Variants in TDRD3 observed in about 807,000 individuals in gnomAD.
TDRD3 encodes tudor domain containing 3.
In TDRD3, 45 loss-of-function variants were observed where a neutral mutation model predicts 86.7. The observed-to-expected ratio is 0.52, with a 90% CI of 0.41 to 0.67. The LOEUF (loss-of-function observed/expected upper bound fraction) is 0.67. TDRD3 is among the 30% of genes least tolerant of loss of function. The pLI, the probability that TDRD3 is intolerant of heterozygous loss-of-function variation, is 0.00. For missense variants in TDRD3, 814 were observed against 889.0 expected (o/e 0.92, Z 1.07); for synonymous variants, 298 against 301.7 (o/e 0.99, Z 0.13).
At chr13:60,514,239 G>T (rs1767395179) in intron 10 of TDRD3, among the ~76,000 whole-genome samples, 1 of 152,194 alleles carries the variant, frequency 6.6e-6, no homozygotes, top group Non-Finnish European at 1.5e-5. Context: ...ACTTGAGAGA[G>T]ATGATTTAGG....
intron 5 of TDRD3, among the ~76,000 whole-genome samples, chr13:60,480,178 G>T (rs1956279761): frequency 6.6e-6 from 1 of 152,176 alleles, no homozygotes; most frequent in Non-Finnish European, 1.5e-5. Flanking sequence ...GCTCTTGTAA[G>T]GCAGGTCTGG....
At chr13:60,547,394 C>G in intron 12 of TDRD3, 1 of 985,230 alleles carries the variant, frequency 1.0e-6, no homozygotes, top group Non-Finnish European at 1.2e-6. Flanking sequence ...CCCTTTTTGC[C>G]CCTGCTTCAG....
chr13:60,487,010 C>G (rs1956454032), intron 7 of TDRD3, among the ~76,000 whole-genome samples: 1 of 152,090 alleles, frequency 6.6e-6, no homozygotes, highest in African/African-American at 2.4e-5. Context: ...TTCAACTCTT[C>G]CTAACTATGG....
At chr13:60,480,793 G>A (rs1956293699) in intron 5 of TDRD3, among the ~76,000 whole-genome samples, 1 of 151,954 alleles carries the variant, frequency 6.6e-6, no homozygotes, top group Non-Finnish European at 1.5e-5. Flanking sequence ...CAGGCAGGGG[G>A]TATTATAGCC....
chr13:60,441,582 G>A (rs1390660390), intron 2 of TDRD3, among the ~76,000 whole-genome samples: 1 of 152,134 alleles, frequency 6.6e-6, no homozygotes, highest in East Asian at 1.9e-4. Context: ...TTAGGCATTT[G>A]TAGTATTCTG....
chr13:60,404,342 G>T, intron 1 of TDRD3, among the ~76,000 whole-genome samples: 1 of 139,918 alleles, frequency 7.1e-6, no homozygotes, highest in East Asian at 2.0e-4. Flanking sequence ...ACGGAGTCTC[G>T]CTCTGTCACC....
intron 10 of TDRD3, among the ~76,000 whole-genome samples, chr13:60,511,764 T>C (rs1195789392): frequency 6.6e-6 from 1 of 152,128 alleles, no homozygotes; most frequent in East Asian, 1.9e-4. Context: ...CGTTTTTTGC[T>C]TGGTGTTGCC....
chr13:60,424,135 T>C (rs540756517), intron 1 of TDRD3, among the ~76,000 whole-genome samples: 68 of 151,848 alleles, frequency 4.5e-4, no homozygotes, highest in African/African-American at 1.5e-3. Context: ...CATTCTCCTG[T>C]CTTAGCCTCC....
Position 60,510,755 on chromosome 13 carries a change from G to A in TDRD3, c.1141G>A (p.Glu381Lys). ...TAAAATGGGAACTTTGAATGTGGAA[G>A]GTAAGCTAATTTAAAGTTGATTCCT... is the stretch of plus-strand genomic sequence containing the variant. Reference protein sequence around the residue: ...ESKMGTLNVEEPKSQPQQLHQ... With the variant: ...ESKMGTLNVEKPKSQPQQLHQ... The change falls in exon 10 of 14, where the codon GAA becomes AAA. Residue 381 changes from glutamate (E) to lysine (K), a missense_variant and splice_region_variant. By Grantham distance (56) the Glu-to-Lys change is moderately conservative. Coordinates refer to ENST00000377881, the MANE Select transcript of TDRD3 (RefSeq NM_001146070.2). 1 of 1,536,922 alleles carries A rather than the reference G, an allele frequency of 6.5e-7. No homozygotes were observed. The highest frequency in any genetic ancestry group is 8.7e-7 in the Non-Finnish European group (1 of 1,144,312).
At chr13:60,473,058 A>T (rs1435131101) in intron 5 of TDRD3, among the ~76,000 whole-genome samples, 2 of 152,346 alleles carry the variant, frequency 1.3e-5, no homozygotes, top group Non-Finnish European at 2.9e-5. Context: ...TGGGTAATTT[A>T]TGAAGAAAAG....
chr13:60,469,514 T>C (rs1395378464), intron 5 of TDRD3, among the ~76,000 whole-genome samples: 1 of 152,124 alleles, frequency 6.6e-6, no homozygotes, highest in Non-Finnish European at 1.5e-5. Context: ...GTCTCTGCAC[T>C]TGACTTCCTG....
At chr13:60,412,724 A>G (rs947023345) in intron 1 of TDRD3, among the ~76,000 whole-genome samples, 4 of 151,874 alleles carry the variant, frequency 2.6e-5, no homozygotes, top group Non-Finnish European at 5.9e-5. Flanking sequence ...TTTTGTTATT[A>G]TTCTTGCCTT....
At chr13:60,457,838 C>T (rs147625654) in intron 3 of TDRD3, among the ~76,000 whole-genome samples, 1 of 152,168 alleles carries the variant, frequency 6.6e-6, no homozygotes, top group African/African-American at 2.4e-5. Context: ...TTAATTTCTG[C>T]CTTCATTTTC....
intron 1 of TDRD3, among the ~76,000 whole-genome samples, chr13:60,437,762 G>C (rs941028729): frequency 6.6e-6 from 1 of 151,956 alleles, no homozygotes; most frequent in African/African-American, 2.4e-5. Flanking sequence ...AGCTTGGAAA[G>C]CTGTGTTTTT....
At chr13:60,512,777 C>A (rs1308803042) in intron 10 of TDRD3, among the ~76,000 whole-genome samples, 1 of 152,208 alleles carries the variant, frequency 6.6e-6, no homozygotes, top group African/African-American at 2.4e-5. Flanking sequence ...GCAGCTCTGC[C>A]TCTGTGACTT....
At chr13:60,525,098 A>AAC (rs1555288106) in intron 10 of TDRD3, among the ~76,000 whole-genome samples, 1 of 149,402 alleles carries the variant, frequency 6.7e-6, no homozygotes, top group African/African-American at 2.4e-5. Flanking sequence ...AAAAAAAAAA[A>AAC]AAAAAAAAAA....
At chr13:60,473,655 A>C (rs188990725) in intron 5 of TDRD3, among the ~76,000 whole-genome samples, 1 of 152,330 alleles carries the variant, frequency 6.6e-6, no homozygotes, top group African/African-American at 2.4e-5. Context: ...TTATAATTAT[A>C]ACCTAGGAAA....
chr13:60,483,992 G>A, intron 6 of TDRD3, 146 bp downstream of exon 6: 1 of 825,816 alleles, frequency 1.2e-6, no homozygotes, highest in Non-Finnish European at 1.8e-6. Context: ...TAATAATTTT[G>A]AGGTTTTTTT....
At chr13:60,441,272 A>G (rs1290707467) in intron 2 of TDRD3, among the ~76,000 whole-genome samples, 3 of 152,034 alleles carry the variant, frequency 2.0e-5, no homozygotes, top group African/African-American at 7.2e-5. Context: ...TTTTATGACA[A>G]TTTGCTGGGG....
Sources: allele counts gnomAD v4.1 joint callset (sites outside exome capture counted in the v4.1 genomes callset), GRCh38; gene constraint gnomAD v4.1.1; transcripts MANE v1.5; gene names NCBI Gene and HGNC (gene_info 2026-07-23, HGNC 2026-07-21).